The following SDK1 variants were observed in gnomAD, a reference collection of about 807,000 sequenced individuals.
SDK1 encodes the protein sidekick cell adhesion molecule 1.
SDK1 carries 157 observed loss-of-function variants against 245.5 expected under a neutral mutation model. That is an observed-to-expected ratio of 0.64 (90% CI 0.56 to 0.73). The LOEUF is 0.73. Ranked by LOEUF, SDK1 falls within the 30% of genes least tolerant of loss-of-function variation. The pLI is 0.00. For missense variants in SDK1, 3,583 were observed against 3,002.3 expected (o/e 1.19, Z -4.52); for synonymous variants, 1,647 against 1,278.5 (o/e 1.29, Z -6.15).
intron 19 of SDK1, among the ~76,000 whole-genome samples, chr7:4,061,816 A>G (rs1193730287): frequency 1.4e-4 from 22 of 151,832 alleles, no homozygotes; most frequent in Non-Finnish European, 2.4e-4. Context: ...AAAATGATGA[A>G]TTCATGTCCT....
At chr7:3,566,227 T>C (rs532577730) in intron 1 of SDK1, among the ~76,000 whole-genome samples, 58 of 147,096 alleles carry the variant, frequency 3.9e-4, no homozygotes, top group East Asian at 3.0e-3. Flanking sequence ...ACTTCTTCTT[T>C]TTTTTTTTTT....
At chr7:3,928,665 A>G (rs925750182) in intron 5 of SDK1, among the ~76,000 whole-genome samples, 1 of 152,178 alleles carries the variant, frequency 6.6e-6, no homozygotes, top group Non-Finnish European at 1.5e-5. Context: ...AATGGTAAGA[A>G]TAACAATAGC....
At chr7:3,682,481 G>A (rs1037453276) in intron 4 of SDK1, among the ~76,000 whole-genome samples, 45 of 6,496 alleles carry the variant, frequency 6.9e-3, no homozygotes, top group East Asian at 0.019. Context: ...GCGTTCCCAC[G>A]GAGGCGCTCG....
chr7:3,519,047 A>C (rs1338364557), intron 1 of SDK1, among the ~76,000 whole-genome samples: 1 of 152,204 alleles, frequency 6.6e-6, no homozygotes, highest in Non-Finnish European at 1.5e-5. Flanking sequence ...AGCCAGGAAC[A>C]GAAAGTTAAA....
intron 5 of SDK1, among the ~76,000 whole-genome samples, chr7:3,831,467 A>G (rs1779910556): frequency 6.6e-6 from 1 of 152,176 alleles, no homozygotes. Context: ...AGATTGTGTG[A>G]GTTGCTAGGC....
chr7:3,976,060 T>C (rs12701330), intron 13 of SDK1, among the ~76,000 whole-genome samples: 39 of 932 alleles, frequency 0.042, 6 homozygotes, highest in South Asian at 0.067. Context: ...GGCTGCCACG[T>C]AGAGGGTCCT....
At chr7:3,320,441 T>A (rs895793378) in intron 1 of SDK1, among the ~76,000 whole-genome samples, 1 of 152,178 alleles carries the variant, frequency 6.6e-6, no homozygotes, top group African/African-American at 2.4e-5. Flanking sequence ...ATTGTGTATT[T>A]CAGTGTCAGA....
intron 1 of SDK1, among the ~76,000 whole-genome samples, chr7:3,427,261 T>C (rs1779703955): frequency 6.6e-6 from 1 of 152,196 alleles, no homozygotes; most frequent in Non-Finnish European, 1.5e-5. Flanking sequence ...GGCTCACACC[T>C]GTAATCCCAC....
intron 1 of SDK1, among the ~76,000 whole-genome samples, chr7:3,520,864 G>C (rs547614794): frequency 1.2e-3 from 186 of 152,162 alleles, no homozygotes; most frequent in South Asian, 3.5e-3. Context: ...TCCTGTTTTT[G>C]CCATAATAAA....
chr7:3,589,467 A>G (rs184252889), intron 1 of SDK1, among the ~76,000 whole-genome samples: 57 of 152,328 alleles, frequency 3.7e-4, no homozygotes, highest in East Asian at 1.3e-3. Flanking sequence ...GTATATTACT[A>G]TTGGCTGCTG....
intron 1 of SDK1, among the ~76,000 whole-genome samples, chr7:3,407,383 G>C (rs117043332): frequency 0.022 from 3,342 of 152,298 alleles, 57 homozygotes; most frequent in Admixed American, 0.048. Context: ...ATCCTGCCAA[G>C]TGATACTTCT....
intron 4 of SDK1, among the ~76,000 whole-genome samples, chr7:3,771,931 C>T (rs1290089979): frequency 1.3e-5 from 2 of 152,182 alleles, no homozygotes; most frequent in Non-Finnish European, 2.9e-5. Context: ...CTTCCTTGAG[C>T]CCTTGGCTGG....
chr7:3,844,266 C>G (rs955203453), intron 5 of SDK1, among the ~76,000 whole-genome samples: 1 of 152,230 alleles, frequency 6.6e-6, no homozygotes, highest in Non-Finnish European at 1.5e-5. Flanking sequence ...GCCACCGCCC[C>G]TGGCCCAGTT....
chr7:4,233,136 G>T, intron 40 of SDK1, 119 bp from the exon 41 acceptor site: 1 of 885,022 alleles, frequency 1.1e-6, no homozygotes, highest in African/African-American at 1.7e-5. Flanking sequence ...TCCGCATCCA[G>T]TGCCCCTGAT....
chr7:3,343,263 A>G (rs1265363964), intron 1 of SDK1, among the ~76,000 whole-genome samples: 5 of 152,216 alleles, frequency 3.3e-5, no homozygotes, highest in African/African-American at 1.2e-4. Flanking sequence ...TACACAGGAA[A>G]CAGCCCAGAT....
intron 4 of SDK1, among the ~76,000 whole-genome samples, chr7:3,779,486 ACC>A (rs1362742459): frequency 6.6e-6 from 1 of 152,066 alleles, no homozygotes; most frequent in African/African-American, 2.4e-5. Flanking sequence ...GACAAATTTA[ACC>A]AAATCTGACC....
chr7:3,828,197 G>T (rs371093182), intron 5 of SDK1, among the ~76,000 whole-genome samples: 1 of 151,974 alleles, frequency 6.6e-6, no homozygotes, highest in Non-Finnish European at 1.5e-5. Context: ...AAAATGAATT[G>T]AACCTGGGAA....
chr7:4,265,338 GC>G lies in SDK1; in HGVS notation c.6600del (p.Gly2201AlafsTer42). On this transcript the variant is annotated frameshift_variant, in exon 45 of 45. Coordinates refer to ENST00000404826, the MANE Select transcript of SDK1 (RefSeq NM_152744.4). LOFTEE classifies it high-confidence loss of function. ...QSAGGVYTPA[G>X]PGARTPLTGF... is the part of the protein sequence containing the mutation. ...GCGGGCGGCGTCTACACCCCCGCTG[GC>G]CCCGGCGCGCGAACTCCGCTCACCG... 6.8e-7 allele frequency: 1 copy of G among 1,469,816 alleles called. No homozygotes were observed. Among genetic ancestry groups the G allele is most frequent in the Admixed American group, 2.6e-5 (1 of 38,390 alleles). 91.0% of individuals were successfully genotyped at this position (1,469,816 alleles called of 1,614,324 possible).
At chr7:3,353,605 C>T (rs1420962786) in intron 1 of SDK1, among the ~76,000 whole-genome samples, 1 of 152,120 alleles carries the variant, frequency 6.6e-6, no homozygotes, top group Admixed American at 6.5e-5. Context: ...TGTAACTTAC[C>T]ATTCCAGTCT....
Sources: gnomAD v4.1 joint callset for allele counts (sites outside exome capture counted in the v4.1 genomes callset) on GRCh38, gnomAD v4.1.1 for gene constraint, MANE v1.5 for transcripts, NCBI Gene and HGNC (gene_info 2026-07-23, HGNC 2026-07-21) for gene names.